Variants in BNC2 observed in about 807,000 individuals in gnomAD.
The protein encoded by BNC2 is basonuclin zinc finger protein 2.
A neutral mutation model predicts 76.3 loss-of-function variants in BNC2; 20 were observed. The observed-to-expected ratio is 0.26, with a 90% CI of 0.18 to 0.38. The LOEUF (loss-of-function observed/expected upper bound fraction) is 0.38. Among genes scored for constraint, BNC2 ranks in the 10% least tolerant of loss-of-function variants. The probability of loss-of-function intolerance (pLI) is 1.00; values close to 1 mark genes in which losing one functional copy is unlikely to be tolerated. For synonymous variants in BNC2, 582 were observed against 514.8 expected (o/e 1.13, Z -1.77); for missense variants, 1,382 against 1,399.8 (o/e 0.99, Z 0.20).
chr9:16,501,109 C>A (rs1027377789), intron 5 of BNC2, among the ~76,000 whole-genome samples: 1 of 108,596 alleles, frequency 9.2e-6, no homozygotes, highest in African/African-American at 4.3e-5. Flanking sequence ...AGTTAGTAAT[C>A]ATACTTACTA....
At chr9:16,511,301 G>A (rs1056449342) in intron 5 of BNC2, among the ~76,000 whole-genome samples, 5 of 151,508 alleles carry the variant, frequency 3.3e-5, no homozygotes, top group African/African-American at 1.2e-4. Flanking sequence ...TGTAAAGAAA[G>A]GGTCTTGCTA....
chr9:16,608,884 G>A (rs977495953), intron 3 of BNC2, among the ~76,000 whole-genome samples: 1 of 152,120 alleles, frequency 6.6e-6, no homozygotes, highest in African/African-American at 2.4e-5. Flanking sequence ...GTTTCAATAT[G>A]CTCAACATTT....
rs1820423245 is a variant in BNC2, at chr9:16,409,840, G to A, written c.*9149C>T. On this transcript the variant is annotated 3_prime_UTR_variant, in exon 7 of 7. Coordinates refer to ENST00000380672, the MANE Select transcript of BNC2 (RefSeq NM_017637.6). Reference sequence around the variant, plus strand: ...GATGCACACTGTCCCATCCCTTGGTGCAGTTACCTTTTGAAGTACAGACTT... The same window carrying A: ...GATGCACACTGTCCCATCCCTTGGTACAGTTACCTTTTGAAGTACAGACTT... 1 of 152,654 alleles carries A rather than the reference G, an allele frequency of 6.6e-6. No individual in the cohort carries two copies. Among genetic ancestry groups the A allele is most frequent in the African/African-American group, 2.4e-5 (1 of 41,448 alleles). 9.5% of individuals were successfully genotyped at this position (152,654 alleles called of 1,614,324 possible).
chr9:16,431,598 G>C, intron 6 of BNC2: 1 of 295,364 alleles, frequency 3.4e-6, no homozygotes. Context: ...AAGGAGGAAA[G>C]GGTCTTTAGA....
chr9:16,831,109 A>C (rs1818568706), intron 1 of BNC2, among the ~76,000 whole-genome samples: 1 of 152,212 alleles, frequency 6.6e-6, no homozygotes, highest in South Asian at 2.1e-4. Context: ...CCAATATATA[A>C]AATCTGTTGG....
chr9:16,761,260 C>A (rs929530832), intron 1 of BNC2, among the ~76,000 whole-genome samples: 7 of 151,698 alleles, frequency 4.6e-5, no homozygotes, highest in Non-Finnish European at 1.0e-4. Flanking sequence ...CAAAAAACAA[C>A]AACAACAACA....
chr9:16,628,689 A>AT lies in BNC2; in HGVS notation c.331-45605dup, dbSNP rs546559067. On this transcript the variant is annotated intron_variant, in intron 3 of 6. Coordinates refer to ENST00000380672, the MANE Select transcript of BNC2 (RefSeq NM_017637.6). Reference sequence around the variant, plus strand: ...TGAGCTACTGCAAAAAAGTTCTATGATTTTAAACTTGCCATTTATACAACA... The same window carrying AT: ...TGAGCTACTGCAAAAAAGTTCTATGATTTTTAAACTTGCCATTTATACAACA... Among the ~76,000 whole-genome samples, 1,174 of 152,276 alleles carry AT rather than the reference A, an allele frequency of 7.7e-3. 16 individuals are homozygous for AT. The highest frequency in any genetic ancestry group is 0.031 in the Middle Eastern group (9 of 294).
At chr9:16,579,330 T>C (rs1819567048) in intron 4 of BNC2, among the ~76,000 whole-genome samples, 1 of 152,082 alleles carries the variant, frequency 6.6e-6, no homozygotes, top group East Asian at 1.9e-4. Flanking sequence ...TCACCCAGAT[T>C]GGAATGTGGT....
chr9:16,639,272 T>C (rs939844048), intron 3 of BNC2, among the ~76,000 whole-genome samples: 4 of 152,224 alleles, frequency 2.6e-5, no homozygotes, highest in South Asian at 4.1e-4. Context: ...AATGTTGTTA[T>C]TGGTCTCTGT....
At chr9:16,554,021 C>T (rs1175658329) in intron 4 of BNC2, among the ~76,000 whole-genome samples, 1 of 152,166 alleles carries the variant, frequency 6.6e-6, no homozygotes, top group Admixed American at 6.5e-5. Context: ...GTCATCTAAC[C>T]TCATGAGTCA....
At chr9:16,698,586 G>A (rs1383137705) in intron 3 of BNC2, among the ~76,000 whole-genome samples, 1 of 152,022 alleles carries the variant, frequency 6.6e-6, no homozygotes, top group Non-Finnish European at 1.5e-5. Context: ...CCAGATACTC[G>A]GGAGGCTGAG....
intron 3 of BNC2, among the ~76,000 whole-genome samples, chr9:16,721,359 T>C (rs1337552551): frequency 2.0e-5 from 3 of 152,194 alleles, no homozygotes; most frequent in Admixed American, 6.5e-5. Flanking sequence ...TGTCAGTTTC[T>C]TGAAAGGGTC....
At chr9:16,464,165 C>CTAATAATA (rs1222070919) in intron 5 of BNC2, among the ~76,000 whole-genome samples, 17 of 151,450 alleles carry the variant, frequency 1.1e-4, no homozygotes, top group Non-Finnish European at 1.5e-5. Flanking sequence ...GTAGTAGACC[C>CTAATAATA]TAATAATAGC....
chr9:16,564,527 T>C (rs1452296035), intron 4 of BNC2, among the ~76,000 whole-genome samples: 2 of 152,142 alleles, frequency 1.3e-5, no homozygotes, highest in East Asian at 1.9e-4. Context: ...CCACCTGTGA[T>C]CATTTGCCCC....
At chr9:16,814,436 A>G (rs764315105) in intron 1 of BNC2, among the ~76,000 whole-genome samples, 10 of 152,260 alleles carry the variant, frequency 6.6e-5, no homozygotes, top group Non-Finnish European at 1.2e-4. Flanking sequence ...AAGGGCCTAG[A>G]GAAGCCTTAC....
intron 5 of BNC2, among the ~76,000 whole-genome samples, chr9:16,479,206 C>T (rs1043799059): frequency 6.7e-5 from 10 of 148,230 alleles, no homozygotes; most frequent in Admixed American, 2.0e-4. Flanking sequence ...GAGCCCACTG[C>T]GCCACTGTAC....
At chr9:16,485,286 T>C (rs1394162126) in intron 5 of BNC2, among the ~76,000 whole-genome samples, 1 of 152,214 alleles carries the variant, frequency 6.6e-6, no homozygotes, top group East Asian at 1.9e-4. Context: ...GTTGGGTACA[T>C]GAGACTTCCA....
At chr9:16,726,596 T>C (rs1324386763) in intron 3 of BNC2, among the ~76,000 whole-genome samples, 2 of 151,656 alleles carry the variant, frequency 1.3e-5, no homozygotes, top group Non-Finnish European at 2.9e-5. Flanking sequence ...CAGTATTTTT[T>C]TCCTCTTGAG....
At chr9:16,476,891 C>T (rs1163967662) in intron 5 of BNC2, among the ~76,000 whole-genome samples, 1 of 151,968 alleles carries the variant, frequency 6.6e-6, no homozygotes, top group African/African-American at 2.4e-5. Flanking sequence ...CAAAAATTGT[C>T]CAATTTGTGG....
Sources: gnomAD v4.1 joint callset for allele counts (sites outside exome capture counted in the v4.1 genomes callset) on GRCh38, gnomAD v4.1.1 for gene constraint, MANE v1.5 for transcripts, NCBI Gene and HGNC (gene_info 2026-07-23, HGNC 2026-07-21) for gene names.